Variants in SLC8A2 observed in about 807,000 individuals in gnomAD.
SLC8A2 encodes the protein solute carrier family 8 member A2, also known as sodium/calcium exchanger 2.
In SLC8A2, 14 loss-of-function variants were observed where a neutral mutation model predicts 70.2. The ratio of observed to expected loss-of-function variants is 0.20; its 90% CI spans 0.13 to 0.31. SLC8A2 has a LOEUF of 0.31. Among genes scored for constraint, SLC8A2 ranks in the 10% least tolerant of loss-of-function variants. The pLI is 1.00. For synonymous variants in SLC8A2, 575 were observed against 594.3 expected, an observed-to-expected ratio of 0.97 and a Z score of 0.47; for missense variants, 779 against 1,320.1, an observed-to-expected ratio of 0.59 and a Z score of 6.35.
intron 2 of SLC8A2, among the ~76,000 whole-genome samples, chr19:47,463,172 G>A (rs1270560114): frequency 6.6e-6 from 1 of 150,868 alleles, no homozygotes; most frequent in Non-Finnish European, 1.5e-5. Flanking sequence ...TCGCTCTGTC[G>A]CCTAGGCCTG....
At chr19:47,453,749 AAACAAC>A (rs1006018157) in intron 3 of SLC8A2, among the ~76,000 whole-genome samples, 1 of 152,012 alleles carries the variant, frequency 6.6e-6, no homozygotes, top group Non-Finnish European at 1.5e-5. Context: ...AAACATACCA[AAACAAC>A]AACAACAACA....
rs929797971 is a variant in SLC8A2 at position 47,429,997 on chromosome 19, T to C, written c.*92A>G. 26 of 1,348,914 alleles carry C rather than the reference T, an allele frequency of 1.9e-5. No homozygotes were observed. The highest frequency in any genetic ancestry group is 2.4e-5 in the Non-Finnish European group (24 of 1,003,828). 83.6% of individuals were successfully genotyped at this position (1,348,914 alleles called of 1,614,324 possible). A position where few individuals can be genotyped will look rare whatever the true frequency, so the allele number is the denominator to read the frequency against. ...CCGAGTCCCAGGAGAGGAGGCCGAG[T>C]CTGGGGGGAAAAGGAGACCAGGGTC... On this transcript the variant is annotated 3_prime_UTR_variant, in exon 10 of 10. Transcript: ENST00000236877.
chr19:47,458,318 A>G (rs1313423471), intron 2 of SLC8A2, among the ~76,000 whole-genome samples: 4 of 26,418 alleles, frequency 1.5e-4, no homozygotes, highest in Non-Finnish European at 2.2e-4. Flanking sequence ...CTCCATCTCA[A>G]TCTCTGTTCA....
In SLC8A2 at chr19:47,448,074, C is replaced by T; in HGVS notation, c.1498G>A (p.Gly500Arg). Residue 500 changes from glycine to arginine, a missense_variant, in exon 4 of 10, where the codon GGG becomes AGG. By Grantham distance (125) the Gly-to-Arg change is moderately radical (BLOSUM62 -2). Coordinates refer to ENST00000236877, the MANE Select transcript of SLC8A2 (RefSeq NM_015063.3). The surrounding 1 kb of genome is among the most constrained non-coding windows in gnomAD (Gnocchi z 4.8). ...GCCACCAGCCGCCCCTTGGGCCGCCCGCCGCCGTCCGGCTCGAACATGCCC... is the reference window on the plus strand; with the variant it reads ...GCCACCAGCCGCCCCTTGGGCCGCCTGCCGCCGTCCGGCTCGAACATGCCC... ...AQGMFEPDGG[G>R]RPKGRLVAPL... is the part of the protein sequence containing the mutation. The T allele has an allele frequency of 6.3e-7, 1 of 1,592,238 alleles. No individual in the cohort carries two copies. Among genetic ancestry groups the T allele is most frequent in the African/African-American group, 1.3e-5 (1 of 74,570 alleles).
At chr19:47,431,748 C>T (rs1485938710) in intron 9 of SLC8A2, among the ~76,000 whole-genome samples, 4 of 151,240 alleles carry the variant, frequency 2.6e-5, no homozygotes, top group Non-Finnish European at 5.9e-5. Flanking sequence ...AACATAGTTC[C>T]ATGGACTCTT....
At chr19:47,460,713 G>T (rs1967383598) in intron 2 of SLC8A2, among the ~76,000 whole-genome samples, 1 of 150,032 alleles carries the variant, frequency 6.7e-6, no homozygotes, top group East Asian at 2.0e-4. Context: ...AAAAAAGAAA[G>T]AAAAAGAAAA....
rs368246846 is a variant in SLC8A2 at position 47,432,128 on chromosome 19, T to A, written c.2389+39A>T. ...TCCTGTGTTGCCCCTGCCTGGCTCA[T>A]CTGAGATCCTACCCCACCAAAGTCT... On this transcript the variant is annotated intron_variant, in intron 9 of 9. Coordinates refer to ENST00000236877, the MANE Select transcript of SLC8A2 (RefSeq NM_015063.3). The surrounding 1 kb of genome is among the most constrained non-coding windows in gnomAD (Gnocchi z 6.2). 26 of 1,555,924 alleles carry A rather than the reference T, an allele frequency of 1.7e-5. No individual in the cohort carries two copies. In the African/African-American group the frequency reaches 3.4e-4, roughly 20 times the overall value.
In SLC8A2 at chr19:47,468,229, A is replaced by C. The variant is rs1332606949; in HGVS notation, c.-16-1810T>G. 1.3e-5 allele frequency among the ~76,000 whole-genome samples: 2 copies of C among 151,210 alleles called. No individual in the cohort carries two copies. The highest frequency in any genetic ancestry group is 4.9e-5 in the African/African-American group (2 of 41,074). On this transcript the variant is annotated intron_variant, in intron 1 of 9. Transcript: ENST00000236877. The surrounding 1 kb of genome is among the most constrained non-coding windows in gnomAD (Gnocchi z 5.1). ...CACCCTCTCCTCCCCTCTGCTCCTC[A>C]GCCTCACCAGACAAGCTTCTGCCTT...
At chr19:47,445,268 C>T (rs1373813009) in intron 4 of SLC8A2, among the ~76,000 whole-genome samples, 2 of 152,174 alleles carry the variant, frequency 1.3e-5, no homozygotes, top group African/African-American at 2.4e-5. Context: ...GCCACCAGGC[C>T]TGGCTAATTT....
In SLC8A2 at chr19:47,439,380, A is replaced by C. The variant is rs552102500; in HGVS notation, c.1886-1407T>G. Among the ~76,000 whole-genome samples the C allele has an allele frequency of 5.3e-5, 8 of 152,094 alleles. No individual in the cohort carries two copies. In the East Asian group the frequency reaches 1.6e-3, roughly 30 times the overall value. On this transcript the variant is annotated intron_variant, in intron 6 of 9. Transcript: ENST00000236877. Reference sequence around the variant, plus strand: ...CCATCTCTACTAAAAAATACAAAAAAAATTAGCTAGGTGTGGTGGCAGGTG... The same window carrying C: ...CCATCTCTACTAAAAAATACAAAAACAATTAGCTAGGTGTGGTGGCAGGTG...
At position 47,447,845 on chromosome 19, in the gene SLC8A2, G is replaced by A; in HGVS notation, c.1727C>T (p.Ala576Val). The A allele has an allele frequency of 6.3e-7, 1 of 1,595,414 alleles. No homozygotes were observed. ...GTCGCCAAACTCCAGCTCTCCGCAC[G>A]CGTCCTCGTAGTGCACGCCGCCGCC... ...ARGGGVHYEDACGELEFGDDE... is the reference protein window; with the variant it reads ...ARGGGVHYEDVCGELEFGDDE... The change falls in exon 4 of 10, where the codon GCG becomes GTG. Residue 576 changes from alanine (A) to valine (V), a missense_variant. By Grantham distance (64) the Ala-to-Val change is moderately conservative. This residue lies in a region of SLC8A2 where 247 missense variants were observed against 362.8 expected (regional missense o/e 0.68). Transcript: ENST00000236877. This position sits in a 1 kb window ranked among gnomAD's most constrained non-coding sequence, Gnocchi z 5.1.
intron 3 of SLC8A2, among the ~76,000 whole-genome samples, chr19:47,452,812 C>A (rs1967260862): frequency 6.6e-6 from 1 of 152,092 alleles, no homozygotes; most frequent in Non-Finnish European, 1.5e-5. Flanking sequence ...GTGGATGGGT[C>A]ACCTGAGGTC....
At chr19:47,454,216 G>A (rs2122639080) in intron 3 of SLC8A2, among the ~76,000 whole-genome samples, 1 of 152,326 alleles carries the variant, frequency 6.6e-6, no homozygotes, top group Middle Eastern at 3.4e-3. Flanking sequence ...TATCCCAGGA[G>A]GTGACACCTG....
Position 47,447,600 on chromosome 19 carries a change from T to G in SLC8A2, c.1763+209A>C. 2 of 561,430 alleles carry G rather than the reference T, an allele frequency of 3.6e-6. No individual in the cohort carries two copies. The highest frequency in any genetic ancestry group is 6.1e-6 in the Non-Finnish European group (2 of 325,920). 34.8% of individuals were successfully genotyped at this position (561,430 alleles called of 1,614,324 possible). A position where few individuals can be genotyped will look rare whatever the true frequency, so the allele number is the denominator to read the frequency against. On this transcript the variant is annotated intron_variant, in intron 4 of 9. Coordinates refer to ENST00000236877, the MANE Select transcript of SLC8A2 (RefSeq NM_015063.3). The surrounding 1 kb of genome is among the most constrained non-coding windows in gnomAD (Gnocchi z 5.1). Reference sequence around the variant, plus strand: ...CCCTCTCCTCCTGAGGGCCCAGCTGTTCAGTGAAGCCCCGCCCACGTCGTG... The same window carrying G: ...CCCTCTCCTCCTGAGGGCCCAGCTGGTCAGTGAAGCCCCGCCCACGTCGTG...
chr19:47,461,251 A>G (rs1967391481), intron 2 of SLC8A2, among the ~76,000 whole-genome samples: 2 of 151,306 alleles, frequency 1.3e-5, no homozygotes, highest in Admixed American at 1.3e-4. Context: ...GCTCACGCCT[A>G]TAATCCCTGC....
At chr19:47,467,336 G>A (rs1017923888) in intron 1 of SLC8A2, among the ~76,000 whole-genome samples, 1 of 152,190 alleles carries the variant, frequency 6.6e-6, no homozygotes, top group Admixed American at 6.5e-5. Context: ...TTTGTTAGGA[G>A]ATTCAAATGG....
chr19:47,466,556 A>C lies in SLC8A2; in HGVS notation c.-16-137T>G. The C allele has an allele frequency of 3.7e-6, 2 of 545,998 alleles. No homozygotes were observed. Among genetic ancestry groups the C allele is most frequent in the East Asian group, 5.9e-5 (2 of 33,872 alleles). 33.8% of individuals were successfully genotyped at this position (545,998 alleles called of 1,614,324 possible). Reference sequence around the variant, plus strand: ...AGGCAGGATGGGGACTGAGGGCGACAGAGACACAGAGAGTGACAGACAGAG... The same window carrying C: ...AGGCAGGATGGGGACTGAGGGCGACCGAGACACAGAGAGTGACAGACAGAG... On this transcript the variant is annotated intron_variant, in intron 1 of 9. Coordinates refer to ENST00000236877, the MANE Select transcript of SLC8A2 (RefSeq NM_015063.3). The surrounding 1 kb of genome is among the most constrained non-coding windows in gnomAD (Gnocchi z 6.9).
At chr19:47,459,605 T>G (rs1005879566) in intron 2 of SLC8A2, among the ~76,000 whole-genome samples, 1 of 151,594 alleles carries the variant, frequency 6.6e-6, no homozygotes, top group African/African-American at 2.4e-5. Flanking sequence ...GTGTGCGTGC[T>G]TGTGTGTGCA....
Position 47,466,790 on chromosome 19 carries a change from G to A in SLC8A2, c.-16-371C>T, listed in dbSNP as rs181191512. On this transcript the variant is annotated intron_variant, in intron 1 of 9. Transcript: ENST00000236877. The surrounding 1 kb of genome is among the most constrained non-coding windows in gnomAD (Gnocchi z 6.9). ...CCTACAAGAATGTTCATAGCAGGCC[G>A]GGTGCGGTGGCTACGCCTGTAATCC... is the stretch of plus-strand genomic sequence containing the variant. 7.0e-4 allele frequency among the ~76,000 whole-genome samples: 107 copies of A among 152,288 alleles called. No individual in the cohort carries two copies. The highest frequency in any genetic ancestry group is 1.9e-3 in the African/African-American group (79 of 41,552).
Sources: allele counts gnomAD v4.1 joint callset (sites outside exome capture counted in the v4.1 genomes callset), GRCh38; gene constraint gnomAD v4.1.1; regional missense constraint gnomAD v4.1.1; non-coding constraint Gnocchi (gnomAD v3.1); transcripts MANE v1.5; gene names NCBI Gene and HGNC (gene_info 2026-07-23, HGNC 2026-07-21).